Variants in PLCB1 observed in about 807,000 individuals in gnomAD.
PLCB1 encodes 1-phosphatidylinositol 4,5-bisphosphate phosphodiesterase beta-1.
A neutral mutation model predicts 161.8 loss-of-function variants in PLCB1; 46 were observed. That is an observed-to-expected ratio of 0.28 (90% CI 0.22 to 0.36). The LOEUF (loss-of-function observed/expected upper bound fraction) is 0.36. PLCB1 is among the 10% of genes least tolerant of loss of function. PLCB1 has a pLI of 1.00. For synonymous variants in PLCB1, 517 were observed against 503.7 expected (o/e 1.03, Z -0.35); for missense variants, 1,016 against 1,472.5 (o/e 0.69, Z 5.07).
intron 14 of PLCB1, among the ~76,000 whole-genome samples, chr20:8,721,068 C>A (rs1979604330): frequency 6.6e-6 from 1 of 152,186 alleles, no homozygotes; most frequent in South Asian, 2.1e-4. Context: ...TACATAAAAA[C>A]CCTTGCTGGT....
chr20:8,565,840 C>G (rs981433678), intron 3 of PLCB1, among the ~76,000 whole-genome samples: 8 of 151,978 alleles, frequency 5.3e-5, no homozygotes, highest in African/African-American at 1.4e-4. Flanking sequence ...GATTGAGGTT[C>G]CAACTGCCAT....
At chr20:8,669,622 A>G (rs1393484890) in intron 9 of PLCB1, among the ~76,000 whole-genome samples, 3 of 152,186 alleles carry the variant, frequency 2.0e-5, no homozygotes, top group East Asian at 1.9e-4. Flanking sequence ...TTCTTCACCT[A>G]TCTGGGCTCT....
intron 2 of PLCB1, among the ~76,000 whole-genome samples, chr20:8,348,859 CAG>C (rs750178960): frequency 1.6e-4 from 24 of 152,104 alleles, no homozygotes; most frequent in Non-Finnish European, 3.1e-4. Context: ...TGCTTAAAAA[CAG>C]AAATCAAAAT....
intron 9 of PLCB1, among the ~76,000 whole-genome samples, chr20:8,670,943 G>T (rs370922321): frequency 1.2e-4 from 19 of 152,302 alleles, no homozygotes; most frequent in African/African-American, 4.6e-4. Context: ...GCTTAGAAGT[G>T]ATTTAAGGAG....
chr20:8,830,177 A>C (rs558238730), intron 31 of PLCB1, among the ~76,000 whole-genome samples: 2 of 152,318 alleles, frequency 1.3e-5, no homozygotes, highest in East Asian at 3.9e-4. Context: ...AATCATAGGA[A>C]GGGGTTCAAG....
At chr20:8,721,538 A>C (rs1359305310) in intron 14 of PLCB1, among the ~76,000 whole-genome samples, 2 of 152,168 alleles carry the variant, frequency 1.3e-5, no homozygotes, top group Non-Finnish European at 2.9e-5. Flanking sequence ...CAGGGGAAAA[A>C]CAATTCATTT....
intron 3 of PLCB1, among the ~76,000 whole-genome samples, chr20:8,442,840 G>C (rs1348610439): frequency 6.6e-6 from 1 of 152,086 alleles, no homozygotes; most frequent in Non-Finnish European, 1.5e-5. Flanking sequence ...TAATAATGAT[G>C]GAATGGCTAC....
At chr20:8,750,904 T>G (rs201145715) in intron 23 of PLCB1, 31 of 1,288,370 alleles carry the variant, frequency 2.4e-5, no homozygotes, top group Non-Finnish European at 3.3e-5. Context: ...CAAAGCAAGA[T>G]GCTGTCATAA....
intron 2 of PLCB1, among the ~76,000 whole-genome samples, chr20:8,155,076 G>A (rs936952857): frequency 2.6e-5 from 4 of 152,092 alleles, no homozygotes; most frequent in African/African-American, 7.2e-5. Context: ...CATATCACTC[G>A]TAGAGCTGAC....
At chr20:8,260,482 A>T (rs1014985114) in intron 2 of PLCB1, among the ~76,000 whole-genome samples, 2 of 152,150 alleles carry the variant, frequency 1.3e-5, no homozygotes, top group African/African-American at 4.8e-5. Context: ...CTTTAGGGAG[A>T]GTCAGGAATG....
At chr20:8,229,088 C>T (rs935138601) in intron 2 of PLCB1, among the ~76,000 whole-genome samples, 1 of 152,062 alleles carries the variant, frequency 6.6e-6, no homozygotes, top group Non-Finnish European at 1.5e-5. Flanking sequence ...TATTCTACTT[C>T]TAAGAGATCA....
intron 3 of PLCB1, among the ~76,000 whole-genome samples, chr20:8,506,197 G>T (rs574491844): frequency 6.6e-6 from 1 of 152,288 alleles, no homozygotes; most frequent in Non-Finnish European, 1.5e-5. Flanking sequence ...TATTATTTGC[G>T]TTTAAAACAA....
chr20:8,725,139 C>A (rs1448380752), intron 16 of PLCB1, among the ~76,000 whole-genome samples: 1 of 152,096 alleles, frequency 6.6e-6, no homozygotes, highest in African/African-American at 2.4e-5. Context: ...CTACCTGTTT[C>A]CCAGAAGGGA....
At chr20:8,816,685 G>C (rs1323948204) in intron 31 of PLCB1, among the ~76,000 whole-genome samples, 1 of 152,158 alleles carries the variant, frequency 6.6e-6, no homozygotes, top group Non-Finnish European at 1.5e-5. Flanking sequence ...TTAAACCATG[G>C]TTTACCTGGG....
At chr20:8,763,660 A>C (rs1053367972) in intron 25 of PLCB1, among the ~76,000 whole-genome samples, 1 of 152,152 alleles carries the variant, frequency 6.6e-6, no homozygotes, top group East Asian at 2.0e-4. Context: ...TGCTGGACTT[A>C]CAGGCATGCG....
intron 2 of PLCB1, among the ~76,000 whole-genome samples, chr20:8,311,873 G>A (rs1019775680): frequency 6.6e-6 from 1 of 152,110 alleles, no homozygotes; most frequent in African/African-American, 2.4e-5. Flanking sequence ...TACAGTTGTG[G>A]GCCCAGAATT....
chr20:8,594,065 T>C (rs1194378472), intron 3 of PLCB1, among the ~76,000 whole-genome samples: 1 of 152,048 alleles, frequency 6.6e-6, no homozygotes, highest in Non-Finnish European at 1.5e-5. Context: ...AATTTTTTGT[T>C]ATAGACAGGG....
At chr20:8,558,676 T>G (rs1986044344) in intron 3 of PLCB1, among the ~76,000 whole-genome samples, 1 of 151,874 alleles carries the variant, frequency 6.6e-6, no homozygotes, top group Non-Finnish European at 1.5e-5. Flanking sequence ...CAAAGAATCT[T>G]GAAATTAGCA....
At position 8,751,008 on chromosome 20, in the gene PLCB1, T is replaced by G. The variant is rs150314858; in HGVS notation, c.2524-6038T>G. 4.0e-3 allele frequency: 1,649 copies of G among 416,946 alleles called. 31 individuals carry two copies. Among genetic ancestry groups the G allele is most frequent in the African/African-American group, 0.035 (1,532 of 43,660 alleles). 25.8% of individuals were successfully genotyped at this position (416,946 alleles called of 1,614,324 possible). A position where few individuals can be genotyped will look rare whatever the true frequency, so the allele number is the denominator to read the frequency against. Reference sequence around the variant, plus strand: ...TGGAGTGCAGAGGCGCGATCTCGGCTCACTGCAAGCTCCGCCTCCCGGGTT... The same window carrying G: ...TGGAGTGCAGAGGCGCGATCTCGGCGCACTGCAAGCTCCGCCTCCCGGGTT... On this transcript the variant is annotated intron_variant, in intron 23 of 31. Transcript: ENST00000338037.
Sources: gnomAD v4.1 joint callset for allele counts (sites outside exome capture counted in the v4.1 genomes callset) on GRCh38, gnomAD v4.1.1 for gene constraint, MANE v1.5 for transcripts, NCBI Gene and HGNC (gene_info 2026-07-23, HGNC 2026-07-21) for gene names.